The following CFAP95 variants were observed in gnomAD, a reference collection of about 807,000 sequenced individuals.
The protein encoded by CFAP95 is cilia and flagella associated protein 95.
At chr9:69,873,311 A>G in the CFAP95 span, among the ~76,000 whole-genome samples, 1 of 152,214 alleles carries the variant, frequency 6.6e-6, no homozygotes, top group Non-Finnish European at 1.5e-5. Flanking sequence ...AGATAAAAAA[A>G]TAAGCCTGGC....
the CFAP95 span, among the ~76,000 whole-genome samples, chr9:69,864,456 G>A: frequency 6.6e-6 from 1 of 152,104 alleles, no homozygotes; most frequent in Non-Finnish European, 1.5e-5. Context: ...CTGCCTAATA[G>A]CCCTCTCTGG....
chr9:69,836,809 C>T, the CFAP95 span, among the ~76,000 whole-genome samples: 3 of 149,526 alleles, frequency 2.0e-5, no homozygotes, highest in Admixed American at 6.7e-5. Flanking sequence ...ATACATGTGC[C>T]ATGCTGGTGC....
chr9:69,867,678 A>C, the CFAP95 span, among the ~76,000 whole-genome samples: 1 of 152,226 alleles, frequency 6.6e-6, no homozygotes, highest in Non-Finnish European at 1.5e-5. Flanking sequence ...ACAGACATTA[A>C]GAAAAATAGT....
At chr9:69,868,871 A>G in the CFAP95 span, among the ~76,000 whole-genome samples, 1 of 151,966 alleles carries the variant, frequency 6.6e-6, no homozygotes, top group African/African-American at 2.4e-5. Context: ...AAGAAGACAT[A>G]CAAATGGCCA....
the CFAP95 span, among the ~76,000 whole-genome samples, chr9:69,903,184 C>G: frequency 6.6e-6 from 1 of 152,306 alleles, no homozygotes; most frequent in East Asian, 1.9e-4. Flanking sequence ...AGGAGAGCTG[C>G]AAACTGCACC....
the CFAP95 span, among the ~76,000 whole-genome samples, chr9:69,869,378 A>G: frequency 6.6e-6 from 1 of 152,272 alleles, no homozygotes; most frequent in East Asian, 1.9e-4. Context: ...GCATAATCTC[A>G]CTTCTACGTG....
At chr9:69,869,750 A>AAC in the CFAP95 span, among the ~76,000 whole-genome samples, 315 of 151,772 alleles carry the variant, frequency 2.1e-3, 2 homozygotes, top group African/African-American at 7.1e-3. Flanking sequence ...AATAAAAAAA[A>AAC]ACCCCAAATT....
the CFAP95 span, among the ~76,000 whole-genome samples, chr9:69,871,547 G>A: frequency 7.2e-5 from 11 of 151,728 alleles, no homozygotes; most frequent in Non-Finnish European, 1.3e-4. Flanking sequence ...ATGTGGAGGG[G>A]GAGAAGGGTG....
the CFAP95 span, among the ~76,000 whole-genome samples, chr9:69,865,278 A>G: frequency 6.6e-6 from 1 of 152,158 alleles, no homozygotes; most frequent in East Asian, 1.9e-4. Flanking sequence ...TAAATTACCC[A>G]TTCTCGGACA....
chr9:69,883,226 G>T, the CFAP95 span, among the ~76,000 whole-genome samples: 1 of 152,180 alleles, frequency 6.6e-6, no homozygotes, highest in Non-Finnish European at 1.5e-5. Context: ...GCTTCTGGCC[G>T]ATTTCCGTCA....
chr9:69,870,111 T>C, the CFAP95 span, among the ~76,000 whole-genome samples: 1 of 152,214 alleles, frequency 6.6e-6, no homozygotes, highest in Non-Finnish European at 1.5e-5. Context: ...ATAAATCTTA[T>C]ATTGTCCTTT....
the CFAP95 span, chr9:69,856,557 T>C: frequency 3.1e-6 from 5 of 1,593,908 alleles, no homozygotes; most frequent in African/African-American, 1.3e-5. Flanking sequence ...GTTTCCAGAT[T>C]TGGACATCAG....
the CFAP95 span, chr9:69,844,656 C>G: frequency 6.7e-7 from 1 of 1,490,774 alleles, no homozygotes; most frequent in East Asian, 2.3e-5. Context: ...CGTTTGAAGT[C>G]TGAAATCTTT....
the CFAP95 span, among the ~76,000 whole-genome samples, chr9:69,823,405 T>C: frequency 1.3e-5 from 2 of 152,144 alleles, no homozygotes; most frequent in African/African-American, 2.4e-5. Flanking sequence ...GCTAACACTA[T>C]TGATTTAGCA....
At chr9:69,828,292 G>C in the CFAP95 span, among the ~76,000 whole-genome samples, 17 of 152,190 alleles carry the variant, frequency 1.1e-4, no homozygotes, top group African/African-American at 4.1e-4. Flanking sequence ...TATTTTAAAG[G>C]CTGGCTCAGT....
chr9:69,840,076 TAA>T, the CFAP95 span, among the ~76,000 whole-genome samples: 116 of 139,822 alleles, frequency 8.3e-4, no homozygotes, highest in Non-Finnish European at 7.6e-4. Context: ...AAACTTCATG[TAA>T]AAAAAAAAAA....
the CFAP95 span, among the ~76,000 whole-genome samples, chr9:69,840,111 TG>T: frequency 6.6e-6 from 1 of 151,904 alleles, no homozygotes; most frequent in Non-Finnish European, 1.5e-5. Context: ...TTTTTCTTAC[TG>T]GGGACTGTAG....
chr9:69,880,260 C>T, the CFAP95 span, among the ~76,000 whole-genome samples: 1 of 151,966 alleles, frequency 6.6e-6, no homozygotes, highest in Non-Finnish European at 1.5e-5. Context: ...TTTTTTGTAC[C>T]CATTCACCAT....
chr9:69,846,739 A>C, the CFAP95 span, among the ~76,000 whole-genome samples: 6,199 of 152,302 alleles, frequency 0.041, 414 homozygotes, highest in African/African-American at 0.14. Context: ...AGGATGGGCA[A>C]GTCCTTCTTC....
Sources: allele counts gnomAD v4.1 joint callset (sites outside exome capture counted in the v4.1 genomes callset), GRCh38; gene constraint gnomAD v4.1.1; transcripts MANE v1.5; gene names NCBI Gene and HGNC (gene_info 2026-07-23, HGNC 2026-07-21).